Variants in POFUT3 observed in about 807,000 individuals in gnomAD.
POFUT3 encodes the protein GDP-fucose protein O-fucosyltransferase 3.
chr8:33,411,683 G>C, the POFUT3 span, among the ~76,000 whole-genome samples: 9 of 152,298 alleles, frequency 5.9e-5, no homozygotes, highest in East Asian at 1.7e-3. Context: ...CAGCTACTTG[G>C]TGGCTGAGGC....
chr8:33,453,033 A>G, the POFUT3 span: 5 of 589,972 alleles, frequency 8.5e-6, no homozygotes, highest in Middle Eastern at 9.6e-4. Context: ...ACGCCCGGCC[A>G]GGCTTGTTTC....
the POFUT3 span, among the ~76,000 whole-genome samples, chr8:33,378,977 G>C: frequency 1.3e-5 from 2 of 152,158 alleles, no homozygotes; most frequent in East Asian, 3.9e-4. Flanking sequence ...GGAACTGGTG[G>C]GAAGTGATTG....
At chr8:33,316,958 G>A in the POFUT3 span, among the ~76,000 whole-genome samples, 2 of 152,018 alleles carry the variant, frequency 1.3e-5, no homozygotes, top group South Asian at 4.1e-4. Flanking sequence ...AATGTGTAAA[G>A]TAGTGGTTCA....
chr8:33,399,609 T>C, the POFUT3 span, among the ~76,000 whole-genome samples: 4 of 152,096 alleles, frequency 2.6e-5, no homozygotes, highest in African/African-American at 9.7e-5. Context: ...GATCTGATGA[T>C]AACAACCAAG....
At chr8:33,392,218 A>T in the POFUT3 span, among the ~76,000 whole-genome samples, 1 of 152,150 alleles carries the variant, frequency 6.6e-6, no homozygotes, top group African/African-American at 2.4e-5. Flanking sequence ...CAATCACGCT[A>T]ATATAGGTTT....
At chr8:33,310,147 C>G in the POFUT3 span, among the ~76,000 whole-genome samples, 23 of 152,146 alleles carry the variant, frequency 1.5e-4, no homozygotes, top group Admixed American at 1.4e-3. Context: ...CTTTGACAAA[C>G]AGAATCATAG....
the POFUT3 span, among the ~76,000 whole-genome samples, chr8:33,347,976 G>A: frequency 2.6e-5 from 4 of 152,032 alleles, no homozygotes; most frequent in Non-Finnish European, 5.9e-5. Context: ...TCAGGAGTTC[G>A]AGACTAGCCT....
At chr8:33,388,608 A>G in the POFUT3 span, among the ~76,000 whole-genome samples, 1 of 152,028 alleles carries the variant, frequency 6.6e-6, no homozygotes, top group Non-Finnish European at 1.5e-5. Flanking sequence ...AAGTGCTCCA[A>G]TTACAGGCGT....
chr8:33,320,301 G>A, the POFUT3 span, among the ~76,000 whole-genome samples: 2 of 151,976 alleles, frequency 1.3e-5, no homozygotes, highest in Non-Finnish European at 2.9e-5. Flanking sequence ...ATAAAGTTAT[G>A]ATCAATGATA....
At chr8:33,336,728 G>A in the POFUT3 span, among the ~76,000 whole-genome samples, 1 of 152,192 alleles carries the variant, frequency 6.6e-6, no homozygotes, top group Non-Finnish European at 1.5e-5. Context: ...GGAATATAGA[G>A]CACAATTCCT....
chr8:33,384,977 C>A, the POFUT3 span, among the ~76,000 whole-genome samples: 1 of 152,128 alleles, frequency 6.6e-6, no homozygotes, highest in African/African-American at 2.4e-5. Flanking sequence ...CTGGTTTTAC[C>A]AGGTACTCCA....
At chr8:33,366,889 G>C in the POFUT3 span, among the ~76,000 whole-genome samples, 1 of 152,106 alleles carries the variant, frequency 6.6e-6, no homozygotes, top group African/African-American at 2.4e-5. Context: ...TGAGACTCCT[G>C]TTATACTATG....
the POFUT3 span, among the ~76,000 whole-genome samples, chr8:33,369,337 A>G: frequency 6.6e-6 from 1 of 152,324 alleles, no homozygotes; most frequent in African/African-American, 2.4e-5. Context: ...ATCATTCTAT[A>G]TCCCCTTTGA....
chr8:33,325,949 C>A, the POFUT3 span, among the ~76,000 whole-genome samples: 8 of 152,280 alleles, frequency 5.3e-5, no homozygotes, highest in African/African-American at 1.7e-4. Flanking sequence ...CCAAGCAATG[C>A]ACGGTTTGGT....
the POFUT3 span, among the ~76,000 whole-genome samples, chr8:33,315,543 G>C: frequency 6.6e-6 from 1 of 152,224 alleles, no homozygotes; most frequent in East Asian, 1.9e-4. Flanking sequence ...GAGGGGGTCA[G>C]AAAGTGGGGG....
the POFUT3 span, among the ~76,000 whole-genome samples, chr8:33,413,126 T>C: frequency 6.6e-6 from 1 of 152,202 alleles, no homozygotes; most frequent in South Asian, 2.1e-4. Context: ...CATATATTTA[T>C]TTTCAAAAAC....
the POFUT3 span, among the ~76,000 whole-genome samples, chr8:33,324,945 T>C: frequency 3.9e-5 from 6 of 152,188 alleles, no homozygotes; most frequent in African/African-American, 4.8e-5. Context: ...AAAATCCTGC[T>C]ACGTGATCAC....
chr8:33,411,047 G>A, the POFUT3 span, among the ~76,000 whole-genome samples: 5 of 152,194 alleles, frequency 3.3e-5, no homozygotes, highest in Non-Finnish European at 7.3e-5. Flanking sequence ...GGGCCATTCA[G>A]ATGCCAAACC....
At chr8:33,472,166 C>T in the POFUT3 span, among the ~76,000 whole-genome samples, 1 of 152,182 alleles carries the variant, frequency 6.6e-6, no homozygotes, top group South Asian at 2.1e-4. Context: ...AGCCAACTTG[C>T]CTTATTCAAA....
Sources: allele counts gnomAD v4.1 joint callset (sites outside exome capture counted in the v4.1 genomes callset), GRCh38; gene constraint gnomAD v4.1.1; transcripts MANE v1.5; gene names NCBI Gene and HGNC (gene_info 2026-07-23, HGNC 2026-07-21).